The following SOX5 variants were observed in gnomAD, a reference collection of about 807,000 sequenced individuals.
SOX5 encodes SRY-box transcription factor 5.
Under a neutral mutation model 92.0 loss-of-function variants are expected in SOX5, and 9 were observed. That is an observed-to-expected ratio of 0.10 (90% CI 0.06 to 0.17). The LOEUF is 0.17. Ranked by LOEUF, SOX5 falls within the 10% of genes least tolerant of loss-of-function variation. The pLI is 1.00. For missense variants in SOX5, 642 were observed against 944.5 expected (o/e 0.68, Z 4.20); for synonymous variants, 344 against 336.3 (o/e 1.02, Z -0.25).
intron 4 of SOX5, among the ~76,000 whole-genome samples, chr12:24,152,780 CTT>C (rs1018924745): frequency 6.6e-6 from 1 of 151,632 alleles, no homozygotes; most frequent in Non-Finnish European, 1.5e-5. Context: ...TTTGATAAGA[CTT>C]TGTTATAAAA....
In SOX5 at chr12:24,030,260, C is replaced by T. The variant is rs1193436735; in HGVS notation, c.-1-134236G>A. The stretch of plus-strand genomic sequence containing the variant: ...CCAAATAAATCTACAGCAAAAAGAA[C>T]ATACTGAAAGCATCATACTACCTAA... On this transcript the variant is annotated intron_variant, in intron 4 of 4. Transcript: ENST00000446891. Among the ~76,000 whole-genome samples, 5 of 151,930 alleles carry T rather than the reference C, an allele frequency of 3.3e-5. No individual in the cohort carries two copies. In the Middle Eastern group the frequency reaches 0.017, roughly 517 times the overall value.
chr12:24,555,821 C>G (rs758364065), intron 1 of SOX5, among the ~76,000 whole-genome samples: 1 of 152,198 alleles, frequency 6.6e-6, no homozygotes, highest in Non-Finnish European at 1.5e-5. Context: ...TACTACTAAA[C>G]TGGGCTATAC....
intron 1 of SOX5, among the ~76,000 whole-genome samples, chr12:23,910,889 T>C (rs2097344393): frequency 6.6e-6 from 1 of 152,158 alleles, no homozygotes; most frequent in Admixed American, 6.6e-5. Context: ...AACTATTATC[T>C]ATAGTTGCTT....
chr12:24,526,068 G>T (rs1470456663), intron 1 of SOX5, among the ~76,000 whole-genome samples: 1 of 151,948 alleles, frequency 6.6e-6, no homozygotes, highest in African/African-American at 2.4e-5. Flanking sequence ...ACAGGATTTT[G>T]CCATGTTACC....
intron 3 of SOX5, among the ~76,000 whole-genome samples, chr12:24,252,121 C>T (rs895832242): frequency 6.6e-6 from 1 of 152,114 alleles, no homozygotes; most frequent in African/African-American, 2.4e-5. Context: ...AAGACATCTC[C>T]TATATACTTT....
intron 1 of SOX5, among the ~76,000 whole-genome samples, chr12:24,495,673 C>T (rs1209501072): frequency 1.3e-5 from 2 of 152,034 alleles, no homozygotes; most frequent in Admixed American, 6.5e-5. Context: ...TTAAAGAAAG[C>T]GTTTTAAGTT....
chr12:24,479,604 C>T (rs10771091), intron 1 of SOX5, among the ~76,000 whole-genome samples: 95,496 of 151,874 alleles, frequency 0.63, 30,894 homozygotes, highest in East Asian at 0.98. Context: ...TAAAAATAAA[C>T]GAAAAAGCCT....
chr12:24,417,758 T>C (rs186041107), intron 1 of SOX5, among the ~76,000 whole-genome samples: 79 of 152,288 alleles, frequency 5.2e-4, no homozygotes, highest in Middle Eastern at 3.4e-3. Flanking sequence ...GACAATACTT[T>C]AGCCATGGGT....
intron 3 of SOX5, among the ~76,000 whole-genome samples, chr12:23,806,969 C>G (rs1234530323): frequency 4.6e-5 from 7 of 152,184 alleles, no homozygotes; most frequent in Admixed American, 3.9e-4. Context: ...TGATTTCTAA[C>G]CTTTTCTCCA....
intron 4 of SOX5, among the ~76,000 whole-genome samples, chr12:24,027,104 C>T (rs1954972507): frequency 1.3e-5 from 2 of 151,994 alleles, no homozygotes; most frequent in Admixed American, 1.3e-4. Flanking sequence ...TTACTTAATT[C>T]CACAGCCTAT....
At chr12:24,196,705 A>G (rs1957043112) in intron 4 of SOX5, among the ~76,000 whole-genome samples, 1 of 152,162 alleles carries the variant, frequency 6.6e-6, no homozygotes, top group Non-Finnish European at 1.5e-5. Flanking sequence ...GGAGTTCAAG[A>G]ACAGCCTGGG....
At chr12:23,921,824 T>C (rs568578682) in intron 1 of SOX5, among the ~76,000 whole-genome samples, 7 of 152,304 alleles carry the variant, frequency 4.6e-5, no homozygotes, top group Admixed American at 3.9e-4. Flanking sequence ...TACCCATCAC[T>C]GCAGGCAAGG....
intron 1 of SOX5, among the ~76,000 whole-genome samples, chr12:24,489,702 T>G (rs1256994321): frequency 6.6e-6 from 1 of 152,174 alleles, no homozygotes; most frequent in Non-Finnish European, 1.5e-5. Flanking sequence ...GTTACATCTA[T>G]CCCCTTAACA....
intron 6 of SOX5, among the ~76,000 whole-genome samples, chr12:23,716,577 T>A (rs1159345479): frequency 1.3e-5 from 2 of 152,190 alleles, no homozygotes; most frequent in Non-Finnish European, 2.9e-5. Flanking sequence ...AAAAAAGCCT[T>A]TCTGGGATGT....
chr12:23,747,690 G>C (rs958475276), intron 4 of SOX5, among the ~76,000 whole-genome samples: 6 of 151,994 alleles, frequency 3.9e-5, no homozygotes, highest in African/African-American at 1.2e-4. Flanking sequence ...AATTTTCATG[G>C]GGAGTGGTCT....
chr12:23,626,063 G>T (rs1592704390), intron 8 of SOX5, among the ~76,000 whole-genome samples: 1 of 151,914 alleles, frequency 6.6e-6, no homozygotes, highest in East Asian at 1.9e-4. Flanking sequence ...ACAGAGGAAG[G>T]TAGTTAAAAA....
chr12:23,979,477 G>A (rs1488333956), intron 4 of SOX5, among the ~76,000 whole-genome samples: 2 of 151,704 alleles, frequency 1.3e-5, no homozygotes, highest in African/African-American at 4.9e-5. Context: ...GCCTTCCTTG[G>A]CCTCCCAAAG....
chr12:24,530,240 CA>C (rs923806893), intron 1 of SOX5, among the ~76,000 whole-genome samples: 1 of 152,090 alleles, frequency 6.6e-6, no homozygotes, highest in Non-Finnish European at 1.5e-5. Context: ...TTTATTCTCA[CA>C]AAAAATTCTA....
intron 4 of SOX5, among the ~76,000 whole-genome samples, chr12:23,972,469 T>A (rs1479336815): frequency 1.3e-5 from 2 of 152,098 alleles, no homozygotes; most frequent in Non-Finnish European, 1.5e-5. Flanking sequence ...GTGATTCTCC[T>A]GCCCCAGTCT....
Sources: allele counts gnomAD v4.1 joint callset (sites outside exome capture counted in the v4.1 genomes callset), GRCh38; gene constraint gnomAD v4.1.1; transcripts MANE v1.5; gene names NCBI Gene and HGNC (gene_info 2026-07-23, HGNC 2026-07-21).